Variants in OGG1 observed in about 807,000 individuals in gnomAD.
OGG1 encodes N-glycosylase/DNA lyase.
In OGG1, 35 loss-of-function variants were observed where a neutral mutation model predicts 42.3. That is an observed-to-expected ratio of 0.83 (90% confidence interval 0.63 to 1.10). The LOEUF (loss-of-function observed/expected upper bound fraction) is 1.10, where lower values mean the gene tolerates loss of function less well. Ranked by LOEUF, OGG1 falls within the 50% of genes least tolerant of loss-of-function variation. The pLI is 0.00. For synonymous variants in OGG1, 189 were observed against 179.0 expected, an observed-to-expected ratio of 1.06 and a Z score of -0.44; for missense variants, 484 against 446.7, an observed-to-expected ratio of 1.08 and a Z score of -0.75.
intron 2 of OGG1, among the ~76,000 whole-genome samples, chr3:9,773,267 C>T (rs900422832): frequency 4.0e-5 from 6 of 150,282 alleles, no homozygotes; most frequent in East Asian, 2.0e-4. Flanking sequence ...CGGTGGCTAA[C>T]GCCTATAATT....
downstream of OGG1, chr3:9,790,015 T>C (rs752501061): frequency 2.4e-5 from 36 of 1,525,360 alleles, no homozygotes; most frequent in Non-Finnish European, 3.0e-5. Flanking sequence ...ACACAGAATA[T>C]CTCTTTCCTC....
At chr3:9,769,368 A>G (rs1404676735), downstream of OGG1, among the ~76,000 whole-genome samples, 1 of 151,882 alleles carries the variant, frequency 6.6e-6, no homozygotes, top group Non-Finnish European at 1.5e-5. Context: ...AACTCCAAAC[A>G]TCCTCAGTAC....
Position 9,754,758 on chromosome 3 carries a change from AC to A in OGG1, c.621del (p.Tyr207Ter), listed in dbSNP as rs769531841. The A allele has an allele frequency of 1.9e-6, 3 of 1,614,170 alleles. No homozygotes were observed. The highest frequency in any genetic ancestry group is 2.2e-5 in the South Asian group (2 of 91,074). On this transcript the variant is annotated frameshift_variant, in exon 4 of 7. Transcript: ENST00000344629. LOFTEE classifies it high-confidence loss of function. ...CTGGGCCTGGGCTATCGTGCCCGTT[AC>A]GTGAGTGCCAGTGCCCGAGCCATCC... ...RKLGLGYRARYVSASARAILE... is the reference protein window; with the variant it reads ...RKLGLGYRARXVSASARAILE...
At chr3:9,787,459 G>A in intron 3 of OGG1, 1 of 1,382,568 alleles carries the variant, frequency 7.2e-7, no homozygotes, top group Non-Finnish European at 9.7e-7. Context: ...GCCAAGCCCA[G>A]TGTCAGGTGT....
chr3:9,758,100 G>T, downstream of OGG1: 1 of 457,304 alleles, frequency 2.2e-6, no homozygotes, highest in Non-Finnish European at 3.8e-6. Flanking sequence ...ATATTAATAT[G>T]TAATAGCAAA....
rs762960705 is a variant in OGG1 at position 9,763,047 on chromosome 3, G to A, written c.1049-2762G>A. 3.7e-5 allele frequency: 60 copies of A among 1,613,964 alleles called. No homozygotes were observed. The highest frequency in any genetic ancestry group is 1.1e-4 in the African/African-American group (8 of 74,906). On this transcript the variant is annotated intron_variant, in intron 7 of 7. Transcript: ENST00000302008. Reference sequence around the variant, plus strand: ...AATACGGTCAAAGAGCTCCCCACCCGACACCCTGCAGCAGGGGATAGGGCA... The same window carrying A: ...AATACGGTCAAAGAGCTCCCCACCCAACACCCTGCAGCAGGGGATAGGGCA...
chr3:9,785,215 G>A, intron 3 of OGG1: 2 of 846,852 alleles, frequency 2.4e-6, no homozygotes, highest in Non-Finnish European at 3.8e-6. Flanking sequence ...TCACCTAACT[G>A]CCCCCAGCCT....
chr3:9,757,358 TC>T lies in OGG1; in HGVS notation c.*211del. 6.2e-7 allele frequency: 1 copy of T among 1,613,976 alleles called. No individual in the cohort carries two copies. Among genetic ancestry groups the T allele is most frequent in the Non-Finnish European group, 8.5e-7 (1 of 1,179,962 alleles). ...GACAGCGCTAAGGATGGTTTTATCT[TC>T]CCTTTATTACAAGAAGGAACAATAA... On this transcript the variant is annotated 3_prime_UTR_variant, in exon 7 of 7. Coordinates refer to ENST00000344629, the MANE Select transcript of OGG1 (RefSeq NM_002542.6). The surrounding 1 kb of genome is among the most constrained non-coding windows in gnomAD (Gnocchi z 4.5).
chr3:9,753,021 C>T (rs1387056725), intron 3 of OGG1, among the ~76,000 whole-genome samples: 3 of 152,114 alleles, frequency 2.0e-5, no homozygotes, highest in African/African-American at 7.2e-5. Flanking sequence ...GCACTCCAGC[C>T]TGGGTTACAG....
intron 7 of OGG1, chr3:9,765,732 G>A: frequency 1.2e-6 from 2 of 1,612,412 alleles, no homozygotes; most frequent in Non-Finnish European, 1.7e-6. Flanking sequence ...GTCAGCTTGG[G>A]GCAGGGAAAG....
At chr3:9,767,541 G>C (rs1559706091), downstream of OGG1, 1 of 1,218,868 alleles carries the variant, frequency 8.2e-7, no homozygotes, top group East Asian at 2.4e-5. Flanking sequence ...GACAGTTTAG[G>C]CCCTAGATAG....
At chr3:9,790,054 C>A, downstream of OGG1, 1 of 1,439,544 alleles carries the variant, frequency 6.9e-7, no homozygotes, top group South Asian at 1.5e-5. Flanking sequence ...CTAGAATCTA[C>A]AGAGGCTCCT....
downstream of OGG1, chr3:9,760,259 A>G (rs534101382): frequency 5.4e-6 from 1 of 186,706 alleles, no homozygotes; most frequent in South Asian, 1.0e-4. Flanking sequence ...GAAAGAAAAA[A>G]AAAAAAAAGT....
At chr3:9,789,799 T>C, downstream of OGG1, 2 of 1,614,244 alleles carry the variant, frequency 1.2e-6, no homozygotes, top group Non-Finnish European at 1.7e-6. Flanking sequence ...GCTGAAGGTT[T>C]TTGGATTTGG....
intron 3 of OGG1, among the ~76,000 whole-genome samples, chr3:9,753,897 G>A (rs2077421160): frequency 6.6e-6 from 1 of 152,170 alleles, no homozygotes; most frequent in Non-Finnish European, 1.5e-5. Context: ...AGCACTTTTG[G>A]GAGCCCAAGG....
At chr3:9,766,465 C>A in exon 8 of OGG1, 1 of 401,934 alleles carries the variant, frequency 2.5e-6, no homozygotes, top group Non-Finnish European at 4.6e-6. Flanking sequence ...ATCTCTACTG[C>A]TTTGGATCCT....
downstream of OGG1, chr3:9,789,808 G>C (rs1559721068): frequency 3.1e-6 from 5 of 1,614,098 alleles, no homozygotes; most frequent in Admixed American, 1.7e-5. Context: ...TTTTGGATTT[G>C]GGCCGTCCTG....
intron 2 of OGG1, among the ~76,000 whole-genome samples, chr3:9,778,568 G>A (rs375216867): frequency 2.0e-5 from 3 of 152,206 alleles, no homozygotes; most frequent in Non-Finnish European, 2.9e-5. Context: ...GCTTTTCTGA[G>A]CTGGCTTTAT....
At chr3:9,786,356 C>T (rs2078611114) in intron 3 of OGG1, among the ~76,000 whole-genome samples, 1 of 152,148 alleles carries the variant, frequency 6.6e-6, no homozygotes, top group African/African-American at 2.4e-5. Flanking sequence ...GAGACCTGCC[C>T]CTTCCCCTAC....
Sources: gnomAD v4.1 joint callset for allele counts (sites outside exome capture counted in the v4.1 genomes callset) on GRCh38, gnomAD v4.1.1 for gene constraint, Gnocchi (gnomAD v3.1) non-coding constraint, MANE v1.5 for transcripts, NCBI Gene and HGNC (gene_info 2026-07-23, HGNC 2026-07-21) for gene names.